WDR3: variants seen among roughly 807,000 people sequenced by gnomAD.
The protein encoded by WDR3 is WD repeat-containing protein 3.
In WDR3, 81 loss-of-function variants were observed where a neutral mutation model predicts 123.7. That is an observed-to-expected ratio of 0.65 (90% CI 0.55 to 0.79). The LOEUF (loss-of-function observed/expected upper bound fraction) is 0.79, where lower values mean the gene tolerates loss of function less well. Ranked by LOEUF, WDR3 falls within the 30% of genes least tolerant of loss-of-function variation. WDR3 has a pLI of 0.00. For missense variants in WDR3, 1,027 were observed against 1,123.2 expected (o/e 0.91, Z 1.22); for synonymous variants, 390 against 388.8 (o/e 1.00, Z -0.04).
chr1:117,931,701 C>A lies in WDR3; in HGVS notation c.-32-1587C>A, dbSNP rs565662347. Among the ~76,000 whole-genome samples, 3 of 152,244 alleles carry A rather than the reference C, an allele frequency of 2.0e-5. No individual in the cohort carries two copies. In the East Asian group the frequency reaches 5.8e-4, roughly 29 times the overall value. ...GAAGGAGGTGGTAGATGGCCAAAGA[C>A]AGACAAACATAAGGAACAACTACAG... On this transcript the variant is annotated intron_variant, in intron 1 of 26. Transcript: ENST00000349139.
chr1:117,931,173 C>T (rs915446831), intron 1 of WDR3, among the ~76,000 whole-genome samples: 1 of 152,174 alleles, frequency 6.6e-6, no homozygotes, highest in Non-Finnish European at 1.5e-5. Context: ...GACTCCTAGG[C>T]CTTGGCCTCC....
intron 11 of WDR3, 89 bp downstream of exon 11, chr1:117,943,715 T>A: frequency 4.5e-6 from 5 of 1,118,494 alleles, no homozygotes; most frequent in South Asian, 1.6e-5. Context: ...ATTAACTCCT[T>A]AAGGCCCTAA....
In WDR3 at chr1:117,952,900, A is replaced by T. The variant is rs1242560411; in HGVS notation, c.2152-46A>T. The T allele has an allele frequency of 2.5e-6, 4 of 1,604,136 alleles. No individual in the cohort carries two copies. The South Asian group carries it at 4.4e-5, about 18-fold the overall frequency. On this transcript the variant is annotated intron_variant, in intron 19 of 26. Transcript: ENST00000349139. ...CTTCCTCATTTCTCTTCATATAGAG[A>T]CCATGTTTTTTTCTCTCAAATTAAT...
rs765105766 is a variant in WDR3 at position 117,950,845 on chromosome 1, A to G, written c.1758A>G (p.Ser586=). Residue 586 remains serine (S), a synonymous_variant, in exon 16 of 27, where the codon TCA becomes TCG. Coordinates refer to ENST00000349139, the MANE Select transcript of WDR3 (RefSeq NM_006784.3). ...FYVDTLKFFL[S]LYGHKLPVIC... is the part of the protein sequence containing the mutation. ...TTTTTGATGTTTAGTTTTTTCTGTC[A>G]CTGTATGGACACAAACTGCCTGTTA... The G allele has an allele frequency of 6.2e-7, 1 of 1,608,476 alleles. No homozygotes were observed. The highest frequency in any genetic ancestry group is 1.1e-5 in the South Asian group (1 of 89,864).
At chr1:117,958,515 C>T (rs781577760) in intron 25 of WDR3, among the ~76,000 whole-genome samples, 11 of 152,102 alleles carry the variant, frequency 7.2e-5, no homozygotes, top group Admixed American at 3.9e-4. Flanking sequence ...TTGAATCTCA[C>T]GAATGTCTCT....
chr1:117,941,199 A>C lies in WDR3; in HGVS notation c.865A>C (p.Lys289Gln). 6.2e-7 allele frequency: 1 copy of C among 1,614,168 alleles called. No homozygotes were observed. ...RDRVVNLAVD[K>Q]TGRILACHGT... ...CAGAGTTGTAAACCTTGCAGTCGAC[A>C]AGACAGGCAGGATTCTTGCTTGCCA... The change falls in exon 8 of 27, where the codon AAG becomes CAG. Residue 289 changes from lysine to glutamine, a missense_variant. Physicochemically the swap from Lys to Gln is moderately conservative, Grantham distance 53 (BLOSUM62 1). Coordinates refer to ENST00000349139, the MANE Select transcript of WDR3 (RefSeq NM_006784.3).
At chr1:117,953,434 A>G (rs1651731980) in intron 20 of WDR3, 42 bp from the exon 21 acceptor site, 6 of 1,589,870 alleles carry the variant, frequency 3.8e-6, no homozygotes, top group East Asian at 2.2e-5. Context: ...CTTTAACTCA[A>G]CAGTCAACAG....
At chr1:117,954,187 C>A in intron 22 of WDR3, 88 bp downstream of exon 22, 1 of 1,076,394 alleles carries the variant, frequency 9.3e-7, no homozygotes, top group African/African-American at 1.6e-5. Context: ...TAACTAAGAT[C>A]AGGATATGCA....
rs760014985 is a variant in WDR3 at position 117,953,000 on chromosome 1, A to C, written c.2202+4A>C. ...GGCCAAAGAAGACCAACCAGCAGTAAGTAAATTTTGGGGACCTTGAGATTA... is the reference window on the plus strand; with the variant it reads ...GGCCAAAGAAGACCAACCAGCAGTACGTAAATTTTGGGGACCTTGAGATTA... On this transcript the variant is annotated splice_donor_region_variant and intron_variant, in intron 20 of 26. Transcript: ENST00000349139. 1 of 1,613,048 alleles carries C rather than the reference A, an allele frequency of 6.2e-7. No homozygotes were observed. The highest frequency in any genetic ancestry group is 8.5e-7 in the Non-Finnish European group (1 of 1,179,298).
chr1:117,931,625 G>C (rs1458083112), intron 1 of WDR3, among the ~76,000 whole-genome samples: 1 of 152,174 alleles, frequency 6.6e-6, no homozygotes, highest in Non-Finnish European at 1.5e-5. Context: ...AGACAGATGG[G>C]AGTCCCTGGA....
In WDR3 at chr1:117,941,434, GT is replaced by G. The variant is rs566376221; in HGVS notation, c.891+214del. ...TTAGGTTGGTGGAAAAGTAATTGTG[GT>G]TTTTGCCATTTAAAAAGTAATAATT... On this transcript the variant is annotated intron_variant, in intron 8 of 26. Transcript: ENST00000349139. Among the ~76,000 whole-genome samples, 24 of 152,206 alleles carry G rather than the reference GT, an allele frequency of 1.6e-4. No homozygotes were observed. In the South Asian group the frequency reaches 5.0e-3, roughly 32 times the overall value.
chr1:117,945,748 G>C (rs1651358682), intron 11 of WDR3, among the ~76,000 whole-genome samples: 3 of 152,068 alleles, frequency 2.0e-5, no homozygotes, highest in African/African-American at 7.2e-5. Context: ...AAAAATGTAG[G>C]GATATGTAAT....
chr1:117,935,224 G>C (rs1463291089), intron 3 of WDR3, among the ~76,000 whole-genome samples: 1 of 152,110 alleles, frequency 6.6e-6, no homozygotes, highest in African/African-American at 2.4e-5. Context: ...TTTTCTAATT[G>C]ATTTATATAG....
intron 4 of WDR3, among the ~76,000 whole-genome samples, chr1:117,937,936 G>A (rs1271448694): frequency 6.6e-6 from 1 of 152,212 alleles, no homozygotes; most frequent in African/African-American, 2.4e-5. Context: ...TTATCTGACA[G>A]TTGCACATTG....
rs1469015297 is a variant in WDR3, at chr1:117,933,287, G to T, written c.-32-1G>T. 6.2e-7 allele frequency: 1 copy of T among 1,611,216 alleles called. No individual in the cohort carries two copies. The highest frequency in any genetic ancestry group is 8.5e-7 in the Non-Finnish European group (1 of 1,177,836). On this transcript the variant is annotated splice_acceptor_variant, in intron 1 of 26. Coordinates refer to ENST00000349139, the MANE Select transcript of WDR3 (RefSeq NM_006784.3). LOFTEE classifies it low-confidence loss of function (5UTR_SPLICE). ...TGAGTTTTCTTTGTTTATATGCACAGATTGCTTCACCTGTGGTATCAGACA... is the reference window on the plus strand; with the variant it reads ...TGAGTTTTCTTTGTTTATATGCACATATTGCTTCACCTGTGGTATCAGACA...
At chr1:117,933,032 T>TA (rs578170436) in intron 1 of WDR3, among the ~76,000 whole-genome samples, 3,034 of 92,810 alleles carry the variant, frequency 0.033, 54 homozygotes, top group South Asian at 0.1. Flanking sequence ...CCATCTCTAC[T>TA]AAAAAAAAAA....
In WDR3 at chr1:117,959,358, G is replaced by A. The variant is rs201509498; in HGVS notation, c.2743G>A (p.Val915Ile). 1.2e-6 allele frequency: 2 copies of A among 1,613,880 alleles called. No homozygotes were observed. Among genetic ancestry groups the A allele is most frequent in the Non-Finnish European group, 1.7e-6 (2 of 1,179,968 alleles). ...GAGGGAATGCGAGGCAAAAAGTGAA[G>A]TTATGTTTTTTGCTGATGCTACTAG... Reference protein sequence around the residue: ...LKRECEAKSEVMFFADATSHL... With the variant: ...LKRECEAKSEIMFFADATSHL... Residue 915 changes from valine to isoleucine, a missense_variant, in exon 27 of 27, where the codon GTT (valine) becomes ATT (isoleucine). By Grantham distance (29) the Val-to-Ile change is conservative (BLOSUM62 3). Transcript: ENST00000349139.
At chr1:117,946,975 G>A (rs1270758369) in intron 12 of WDR3, among the ~76,000 whole-genome samples, 3 of 150,732 alleles carry the variant, frequency 2.0e-5, no homozygotes, top group Non-Finnish European at 4.4e-5. Context: ...GTAATTTGGA[G>A]CAAGTCACAT....
intron 10 of WDR3, among the ~76,000 whole-genome samples, chr1:117,943,000 T>C (rs1042446469): frequency 6.6e-6 from 1 of 151,692 alleles, no homozygotes; most frequent in Non-Finnish European, 1.5e-5. Context: ...TTGCCCAGGC[T>C]GGAGTGCAGT....
Sources: gnomAD v4.1 joint callset for allele counts (sites outside exome capture counted in the v4.1 genomes callset) on GRCh38, gnomAD v4.1.1 for gene constraint, MANE v1.5 for transcripts, NCBI Gene and HGNC (gene_info 2026-07-23, HGNC 2026-07-21) for gene names.